The following CALN1 variants were observed in gnomAD, a reference collection of about 807,000 sequenced individuals.
The protein encoded by CALN1 is calcium-binding protein 8.
Under a neutral mutation model 30.6 loss-of-function variants are expected in CALN1, and 17 were observed. The ratio of observed to expected loss-of-function variants is 0.56; its 90% confidence interval spans 0.38 to 0.83. The LOEUF is 0.83. Ranked by LOEUF, CALN1 falls within the 40% of genes least tolerant of loss-of-function variation. The pLI is 0.00. For synonymous variants in CALN1, 156 were observed against 131.4 expected (o/e 1.19, Z -1.28); for missense variants, 291 against 354.9 (o/e 0.82, Z 1.45).
chr7:72,201,589 A>C (rs1791420970), intron 3 of CALN1, among the ~76,000 whole-genome samples: 1 of 151,938 alleles, frequency 6.6e-6, no homozygotes, highest in Non-Finnish European at 1.5e-5. Context: ...CCATTTCGGA[A>C]AAAAAAAGAA....
intron 2 of CALN1, among the ~76,000 whole-genome samples, chr7:72,283,764 G>A (rs1171334172): frequency 6.6e-6 from 1 of 152,204 alleles, no homozygotes; most frequent in Non-Finnish European, 1.5e-5. Context: ...CCACTGTGCT[G>A]AGGGATCAGG....
chr7:72,484,365 T>C, the CALN1 span, among the ~76,000 whole-genome samples: 1 of 152,186 alleles, frequency 6.6e-6, no homozygotes, highest in Admixed American at 6.5e-5. Flanking sequence ...GTGATTAATC[T>C]AGAGTTAATT....
At chr7:72,175,570 G>A (rs1031661637) in intron 3 of CALN1, among the ~76,000 whole-genome samples, 4 of 152,072 alleles carry the variant, frequency 2.6e-5, no homozygotes. Context: ...AACTTCATCT[G>A]GGGATAGAGA....
At chr7:71,951,317 C>T (rs889011026) in intron 5 of CALN1, among the ~76,000 whole-genome samples, 8 of 152,126 alleles carry the variant, frequency 5.3e-5, no homozygotes, top group African/African-American at 7.2e-5. Context: ...AACGGCCGGG[C>T]GCATGGCTCA....
chr7:72,472,048 G>A, the CALN1 span, among the ~76,000 whole-genome samples: 9 of 151,990 alleles, frequency 5.9e-5, no homozygotes, highest in Non-Finnish European at 1.2e-4. Context: ...CTCGCACCTC[G>A]ACCTCCCAAA....
intron 3 of CALN1, among the ~76,000 whole-genome samples, chr7:72,151,896 A>G (rs1385938336): frequency 2.1e-5 from 3 of 139,570 alleles, no homozygotes; most frequent in East Asian, 4.2e-4. Context: ...TTTTATTTTT[A>G]TTTTTATTCT....
At chr7:71,813,554 A>G (rs1356043177) in intron 5 of CALN1, among the ~76,000 whole-genome samples, 1 of 152,156 alleles carries the variant, frequency 6.6e-6, no homozygotes, top group Non-Finnish European at 1.5e-5. Context: ...CCAGATAAAA[A>G]CATAACTAAG....
chr7:72,396,547 A>T (rs1805971713), intron 2 of CALN1, among the ~76,000 whole-genome samples: 1 of 152,216 alleles, frequency 6.6e-6, no homozygotes, highest in Admixed American at 6.5e-5. Context: ...TAAGGTCTCT[A>T]AAGACAGTGT....
chr7:72,234,254 A>G (rs1794321756), intron 3 of CALN1, among the ~76,000 whole-genome samples: 1 of 152,102 alleles, frequency 6.6e-6, no homozygotes, highest in Admixed American at 6.6e-5. Flanking sequence ...TTGGATGTCA[A>G]CAAGAGAAGA....
chr7:72,016,585 T>G (rs1800392060), intron 5 of CALN1, among the ~76,000 whole-genome samples: 1 of 151,886 alleles, frequency 6.6e-6, no homozygotes, highest in Non-Finnish European at 1.5e-5. Flanking sequence ...TACAGGTATG[T>G]ACCACCATGC....
intron 5 of CALN1, among the ~76,000 whole-genome samples, chr7:71,884,933 T>C (rs183063126): frequency 4.6e-5 from 7 of 151,276 alleles, no homozygotes; most frequent in Non-Finnish European, 5.9e-5. Flanking sequence ...AAACTTGTCA[T>C]CTATTGTCTC....
At chr7:71,974,220 C>T (rs534430420) in intron 5 of CALN1, among the ~76,000 whole-genome samples, 1 of 152,120 alleles carries the variant, frequency 6.6e-6, no homozygotes, top group Admixed American at 6.5e-5. Flanking sequence ...GAGTTCGAGA[C>T]CAGCCTGGCC....
the CALN1 span, among the ~76,000 whole-genome samples, chr7:72,470,727 C>T: frequency 6.6e-6 from 1 of 151,794 alleles, no homozygotes; most frequent in Admixed American, 6.6e-5. Context: ...ACCATAAAGA[C>T]CACTAAGGCT....
intron 6 of CALN1, among the ~76,000 whole-genome samples, chr7:71,806,303 C>T (rs1236720736): frequency 2.1e-5 from 3 of 144,682 alleles, no homozygotes; most frequent in South Asian, 4.3e-4. Context: ...TAGTTTCCCC[C>T]TCCTTTTTTT....
rs145381435 is a variant in CALN1, at chr7:72,309,927, C to T, written c.120-31117G>A. Among the ~76,000 whole-genome samples, 794 of 152,266 alleles carry T rather than the reference C, an allele frequency of 5.2e-3. 2 individuals are homozygous for T. Among genetic ancestry groups the T allele is most frequent in the Non-Finnish European group, 7.3e-3 (498 of 68,018 alleles). On this transcript the variant is annotated intron_variant, in intron 2 of 6. Coordinates refer to ENST00000395275, the MANE Select transcript of CALN1 (RefSeq NM_031468.4). ...GGCCAGGGGCAAGCCTGGACAAACT[C>T]CGATGCCCTCCAAGGGGCCCTGCCA...
chr7:72,223,854 T>C (rs1279148219), intron 3 of CALN1, among the ~76,000 whole-genome samples: 3 of 152,172 alleles, frequency 2.0e-5, no homozygotes, highest in Non-Finnish European at 4.4e-5. Context: ...GGCAGCAACA[T>C]GGAAGCAGCT....
intron 5 of CALN1, among the ~76,000 whole-genome samples, chr7:71,927,742 T>G (rs556350895): frequency 1.7e-4 from 26 of 152,288 alleles, no homozygotes; most frequent in African/African-American, 6.3e-4. Flanking sequence ...GTTTTCCTAG[T>G]CCAGCCTTGG....
the CALN1 span, among the ~76,000 whole-genome samples, chr7:72,483,252 T>G: frequency 6.9e-6 from 1 of 144,208 alleles, no homozygotes; most frequent in Admixed American, 6.8e-5. Flanking sequence ...TTGTTTGGTT[T>G]GGTTTGGTTT....
chr7:72,200,211 T>C (rs1002633642), intron 3 of CALN1, among the ~76,000 whole-genome samples: 2 of 152,046 alleles, frequency 1.3e-5, no homozygotes, highest in Non-Finnish European at 2.9e-5. Flanking sequence ...AGACAGCATG[T>C]ATGGTGACAT....
Sources: allele counts gnomAD v4.1 joint callset (sites outside exome capture counted in the v4.1 genomes callset), GRCh38; gene constraint gnomAD v4.1.1; transcripts MANE v1.5; gene names NCBI Gene and HGNC (gene_info 2026-07-23, HGNC 2026-07-21).